Variants in NPTN observed in about 807,000 individuals in gnomAD.
NPTN encodes the protein neuroplastin, also known as SDR-1.
In NPTN, 5 loss-of-function variants were observed where a neutral mutation model predicts 42.7. The observed-to-expected ratio is 0.12, with a 90% confidence interval of 0.06 to 0.25. NPTN has a LOEUF of 0.25. NPTN is among the 10% of genes least tolerant of loss of function. NPTN has a pLI of 1.00. For missense variants in NPTN, 307 were observed against 525.4 expected (o/e 0.58, Z 4.06); for synonymous variants, 180 against 201.9 (o/e 0.89, Z 0.92).
At chr15:73,563,287 A>G (rs1266190733) in intron 6 of NPTN, 30 bp from the exon 7 acceptor site, 1 of 1,612,824 alleles carries the variant, frequency 6.2e-7, no homozygotes, top group Non-Finnish European at 8.5e-7. Context: ...TTAAAAATCC[A>G]TGAGAGATAA....
intron 4 of NPTN, among the ~76,000 whole-genome samples, chr15:73,582,862 T>G (rs1566967615): frequency 1.3e-5 from 2 of 152,202 alleles, no homozygotes. Flanking sequence ...TCTCCCAGCC[T>G]ACATCCTTCT....
At chr15:73,576,274 T>A (rs1017788018) in intron 4 of NPTN, among the ~76,000 whole-genome samples, 1 of 152,162 alleles carries the variant, frequency 6.6e-6, no homozygotes, top group Non-Finnish European at 1.5e-5. Flanking sequence ...TTTAGCATGG[T>A]CGTGAAGAAA....
chr15:73,591,298 C>A (rs1291233293), intron 3 of NPTN, among the ~76,000 whole-genome samples: 1 of 152,210 alleles, frequency 6.6e-6, no homozygotes, highest in Non-Finnish European at 1.5e-5. Flanking sequence ...TTAGCTGATT[C>A]TTTTCCAGAC....
At chr15:73,608,442 G>A (rs534092090) in intron 1 of NPTN, among the ~76,000 whole-genome samples, 1 of 152,258 alleles carries the variant, frequency 6.6e-6, no homozygotes, top group South Asian at 2.1e-4. Context: ...TAGGCAAGAG[G>A]AAACACCATG....
chr15:73,617,076 A>C (rs1300077815), intron 1 of NPTN, among the ~76,000 whole-genome samples: 2 of 152,230 alleles, frequency 1.3e-5, no homozygotes, highest in African/African-American at 4.8e-5. Context: ...ACGTTTACAT[A>C]AATGAAAATA....
At chr15:73,629,775 T>C (rs1440052417) in intron 1 of NPTN, among the ~76,000 whole-genome samples, 1 of 151,692 alleles carries the variant, frequency 6.6e-6, no homozygotes. Flanking sequence ...CTATTTCTCT[T>C]ATTCACAACA....
chr15:73,600,424 C>T (rs889166753), intron 1 of NPTN, among the ~76,000 whole-genome samples: 5 of 152,166 alleles, frequency 3.3e-5, no homozygotes, highest in African/African-American at 9.7e-5. Context: ...GTGCTAAGCA[C>T]TTTATTCATT....
At position 73,569,413 on chromosome 15, in the gene NPTN, TCTC is replaced by T; in HGVS notation, c.1114+734_1114+736del. The stretch of plus-strand genomic sequence containing the variant: ...GTGTGCTGTGGTTCTGCTGCTACCA[TCTC>T]CTCCCTTCTCTGACCCTAGGCCAGC... On this transcript the variant is annotated intron_variant, in intron 6 of 8. Coordinates refer to ENST00000345330, the MANE Select transcript of NPTN (RefSeq NM_012428.4). This position sits in a 1 kb window ranked among gnomAD's most constrained non-coding sequence, Gnocchi z 4.1. 1 of 985,784 alleles carries T rather than the reference TCTC, an allele frequency of 1.0e-6. No individual in the cohort carries two copies. Among genetic ancestry groups the T allele is most frequent in the Non-Finnish European group, 1.2e-6 (1 of 830,248 alleles). 61.1% of individuals were successfully genotyped at this position (985,784 alleles called of 1,614,324 possible). A position where few individuals can be genotyped will look rare whatever the true frequency, so the allele number is the denominator to read the frequency against.
At chr15:73,609,477 A>G (rs1897458728) in intron 1 of NPTN, among the ~76,000 whole-genome samples, 1 of 152,152 alleles carries the variant, frequency 6.6e-6, no homozygotes, top group African/African-American at 2.4e-5. Flanking sequence ...AAAAAATACA[A>G]AAACTTAGCT....
At chr15:73,583,123 C>A (rs1896137793) in intron 4 of NPTN, among the ~76,000 whole-genome samples, 1 of 152,194 alleles carries the variant, frequency 6.6e-6, no homozygotes, top group Non-Finnish European at 1.5e-5. Flanking sequence ...CCACACAGAG[C>A]AAAGGAACCT....
At chr15:73,610,995 T>A (rs1469002449) in intron 1 of NPTN, among the ~76,000 whole-genome samples, 1 of 152,214 alleles carries the variant, frequency 6.6e-6, no homozygotes, top group Non-Finnish European at 1.5e-5. Flanking sequence ...GAGACAAATT[T>A]GACTCCGTTA....
At chr15:73,592,304 A>C (rs1486202810) in intron 2 of NPTN, among the ~76,000 whole-genome samples, 167 bp from the exon 3 acceptor site, 5 of 152,202 alleles carry the variant, frequency 3.3e-5, no homozygotes, top group African/African-American at 1.2e-4. Context: ...AGAAAGGAAA[A>C]ACAATGATTA....
chr15:73,612,694 C>T (rs1026976374), intron 1 of NPTN, among the ~76,000 whole-genome samples: 4 of 152,004 alleles, frequency 2.6e-5, no homozygotes, highest in Non-Finnish European at 5.9e-5. Flanking sequence ...GGCGTGAACC[C>T]GGGAGGCGGA....
chr15:73,562,296 T>A (rs1894724786), intron 7 of NPTN, among the ~76,000 whole-genome samples: 1 of 152,190 alleles, frequency 6.6e-6, no homozygotes. Context: ...TTGAGCCTCA[T>A]GTGAGCACAC....
In NPTN at chr15:73,569,148, C is replaced by T. The variant is rs891668865; in HGVS notation, c.1114+1002G>A. On this transcript the variant is annotated intron_variant, in intron 6 of 8. Coordinates refer to ENST00000345330, the MANE Select transcript of NPTN (RefSeq NM_012428.4). This position sits in a 1 kb window ranked among gnomAD's most constrained non-coding sequence, Gnocchi z 4.1. ...CCAGGGGCACACCCATCTGTCTAGTCTAGCCAGGGACAGACTAGTGGTGGT... is the reference window on the plus strand; with the variant it reads ...CCAGGGGCACACCCATCTGTCTAGTTTAGCCAGGGACAGACTAGTGGTGGT... The T allele has an allele frequency of 1.2e-4, 122 of 985,540 alleles. No individual in the cohort carries two copies. In the African/African-American group the frequency reaches 2.1e-3, roughly 17 times the overall value. 61.0% of individuals were successfully genotyped at this position (985,540 alleles called of 1,614,324 possible). A position where few individuals can be genotyped will look rare whatever the true frequency, so the allele number is the denominator to read the frequency against.
rs921065064 is a variant in NPTN at position 73,592,368 on chromosome 15, G to A, written c.440-231C>T. On this transcript the variant is annotated intron_variant, in intron 2 of 8. Coordinates refer to ENST00000345330, the MANE Select transcript of NPTN (RefSeq NM_012428.4). The stretch of plus-strand genomic sequence containing the variant: ...AGCCTGAAGACCAGTTGGCCTAGAC[G>A]TGAAAGAATGGGAGTATTACGGGTG... 2.6e-5 allele frequency among the ~76,000 whole-genome samples: 4 copies of A among 152,202 alleles called. No homozygotes were observed. The South Asian group carries it at 6.2e-4, about 24-fold the overall frequency.
intron 5 of NPTN, among the ~76,000 whole-genome samples, chr15:73,572,366 G>C (rs1218885531): frequency 6.6e-6 from 1 of 152,166 alleles, no homozygotes; most frequent in Non-Finnish European, 1.5e-5. Flanking sequence ...AAAAGGTAAT[G>C]GGTCAACAAT....
At chr15:73,576,372 A>G (rs542770551) in intron 4 of NPTN, among the ~76,000 whole-genome samples, 45 of 152,330 alleles carry the variant, frequency 3.0e-4, no homozygotes, top group African/African-American at 1.0e-3. Context: ...TCTGTTGGCC[A>G]GGCTGGAATG....
intron 4 of NPTN, among the ~76,000 whole-genome samples, chr15:73,577,555 C>G (rs1411760572): frequency 6.6e-6 from 1 of 152,204 alleles, no homozygotes; most frequent in Non-Finnish European, 1.5e-5. Flanking sequence ...ACAACCCTTT[C>G]CCAAAACAGA....
Sources: gnomAD v4.1 joint callset for allele counts (sites outside exome capture counted in the v4.1 genomes callset) on GRCh38, gnomAD v4.1.1 for gene constraint, Gnocchi (gnomAD v3.1) non-coding constraint, MANE v1.5 for transcripts, NCBI Gene and HGNC (gene_info 2026-07-23, HGNC 2026-07-21) for gene names.